MCEMP1: variants seen among roughly 807,000 people sequenced by gnomAD.
MCEMP1 encodes the protein mast cell expressed membrane protein 1.
A neutral mutation model predicts 27.9 loss-of-function variants in MCEMP1; 17 were observed. The ratio of observed to expected loss-of-function variants is 0.61; its 90% confidence interval spans 0.42 to 0.91. The LOEUF (loss-of-function observed/expected upper bound fraction) is 0.91, where lower values mean the gene tolerates loss of function less well. Ranked by LOEUF, MCEMP1 falls within the 40% of genes least tolerant of loss-of-function variation. The pLI is 0.00. For synonymous variants in MCEMP1, 88 were observed against 76.9 expected (o/e 1.14, Z -0.76); for missense variants, 200 against 204.8 (o/e 0.98, Z 0.14).
rs1162244376 is a variant in MCEMP1, at chr19:7,677,949, T to A, written c.146-155T>A. On this transcript the variant is annotated intron_variant, in intron 2 of 6. Transcript: ENST00000333598. This position sits in a 1 kb window ranked among gnomAD's most constrained non-coding sequence, Gnocchi z 4.6. Reference sequence around the variant, plus strand: ...GTGTTAGATCGCTGAGGGTGGCTGGTGGTGGCAGTGTTGTTGACGATGATG... The same window carrying A: ...GTGTTAGATCGCTGAGGGTGGCTGGAGGTGGCAGTGTTGTTGACGATGATG... 5 of 1,221,626 alleles carry A rather than the reference T, an allele frequency of 4.1e-6. No individual in the cohort carries two copies. The highest frequency in any genetic ancestry group is 5.7e-6 in the Non-Finnish European group (5 of 874,352). 75.7% of individuals were successfully genotyped at this position (1,221,626 alleles called of 1,614,324 possible). A position where few individuals can be genotyped will look rare whatever the true frequency, so the allele number is the denominator to read the frequency against.
chr19:7,678,841 C>T lies in MCEMP1; in HGVS notation c.449-83C>T, dbSNP rs2032583881. On this transcript the variant is annotated intron_variant, in intron 5 of 6. Transcript: ENST00000333598. The surrounding 1 kb of genome is among the most constrained non-coding windows in gnomAD (Gnocchi z 4.8). ...GGGTGGGTGTGGGGCAGGGGGGGTG[C>T]TTCCAAGGAAGGTGGGGGCTTTGTT... 1.4e-6 allele frequency: 2 copies of T among 1,383,468 alleles called. No individual in the cohort carries two copies. Among genetic ancestry groups the T allele is most frequent in the Non-Finnish European group, 9.9e-7 (1 of 1,009,008 alleles). 85.7% of individuals were successfully genotyped at this position (1,383,468 alleles called of 1,614,324 possible).
chr19:7,679,539 G>A lies in MCEMP1; in HGVS notation c.*425G>A. 5.0e-6 allele frequency: 1 copy of A among 199,054 alleles called. No homozygotes were observed. The highest frequency in any genetic ancestry group is 1.1e-4 in the South Asian group (1 of 8,806). 12.3% of individuals were successfully genotyped at this position (199,054 alleles called of 1,614,324 possible). A position where few individuals can be genotyped will look rare whatever the true frequency, so the allele number is the denominator to read the frequency against. On this transcript the variant is annotated 3_prime_UTR_variant, in exon 7 of 7. Transcript: ENST00000333598. This position sits in a 1 kb window ranked among gnomAD's most constrained non-coding sequence, Gnocchi z 4.9. ...TCCAGCAGATGTCACTCTGAGTGTG[G>A]GTGTTGGTGACATGCATTGCACGGG...
Position 7,678,434 on chromosome 19 carries a change from C to T in MCEMP1, c.334+34C>T. ...AGGGTCTGAGGGAGACCCGTGGGGT[C>T]ATGGTGGGGGTCTGGAGAGGGATGG... On this transcript the variant is annotated intron_variant, in intron 4 of 6. Coordinates refer to ENST00000333598, the MANE Select transcript of MCEMP1 (RefSeq NM_174918.3). The surrounding 1 kb of genome is among the most constrained non-coding windows in gnomAD (Gnocchi z 4.8). 2 of 1,613,848 alleles carry T rather than the reference C, an allele frequency of 1.2e-6. No homozygotes were observed. The highest frequency in any genetic ancestry group is 8.5e-7 in the Non-Finnish European group (1 of 1,179,908).
rs751939259 is a variant in MCEMP1, at chr19:7,677,644, T to C, written c.63T>C (p.His21=). The stretch of plus-strand genomic sequence containing the variant: ...ATCTCCAACCCCTCCCAGGTGCCCA[T>C]GACCCAGACTATGAGAATATCACCT... ...QGVSAKNQGA[H]DPDYENITLA... Residue 21 remains histidine, a synonymous_variant, in exon 2 of 7, where the codon CAT becomes CAC. Transcript: ENST00000333598. The surrounding 1 kb of genome is among the most constrained non-coding windows in gnomAD (Gnocchi z 4.6). The C allele has an allele frequency of 3.1e-6, 5 of 1,613,696 alleles. No individual in the cohort carries two copies. In the African/African-American group the frequency reaches 5.3e-5, roughly 17 times the overall value.
At position 7,678,106 on chromosome 19, in the gene MCEMP1, C is replaced by G; in HGVS notation, c.148C>G (p.Pro50Ala). 6.3e-7 allele frequency: 1 copy of G among 1,599,610 alleles called. No individual in the cohort carries two copies. The highest frequency in any genetic ancestry group is 8.5e-7 in the Non-Finnish European group (1 of 1,173,654). Residue 50 changes from proline to alanine, a missense_variant and splice_region_variant, in exon 3 of 7, where the codon CCA becomes GCA. Physicochemically the swap from Pro to Ala is conservative, Grantham distance 27. Coordinates refer to ENST00000333598, the MANE Select transcript of MCEMP1 (RefSeq NM_174918.3). This position sits in a 1 kb window ranked among gnomAD's most constrained non-coding sequence, Gnocchi z 4.8. ...ACTTTGCTGCCTCTTTGCTCCAGTC[C>G]CAGCCCAGTGCAGGCCGCCCTCAGA... ...GGHSRPTSQVPAQCRPPSDST... is the reference protein window; with the variant it reads ...GGHSRPTSQVAAQCRPPSDST...
Position 7,677,131 on chromosome 19 carries a change from C to T in MCEMP1, c.11C>T (p.Pro4Leu), listed in dbSNP as rs1328529337. Residue 4 changes from proline to leucine, a missense_variant, in exon 1 of 7, where the codon CCA (proline) becomes CTA (leucine). By Grantham distance (98) the Pro-to-Leu change is moderately conservative (BLOSUM62 -3). Coordinates refer to ENST00000333598, the MANE Select transcript of MCEMP1 (RefSeq NM_174918.3). The surrounding 1 kb of genome is among the most constrained non-coding windows in gnomAD (Gnocchi z 4.6). ...CACCAGGAAGTCAAGATGCAAGCAC[C>T]AGCCTTCAGGGACAAGAAACAGGGG... MQA[P>L]AFRDKKQGVS... 6.2e-7 allele frequency: 1 copy of T among 1,600,274 alleles called. No individual in the cohort carries two copies. Among genetic ancestry groups the T allele is most frequent in the East Asian group, 2.3e-5 (1 of 44,086 alleles).
At position 7,678,414 on chromosome 19, in the gene MCEMP1, C is replaced by G. The variant is rs764006691; in HGVS notation, c.334+14C>G. 6.2e-7 allele frequency: 1 copy of G among 1,613,872 alleles called. No homozygotes were observed. The highest frequency in any genetic ancestry group is 8.5e-7 in the Non-Finnish European group (1 of 1,179,990). On this transcript the variant is annotated intron_variant, in intron 4 of 6. Coordinates refer to ENST00000333598, the MANE Select transcript of MCEMP1 (RefSeq NM_174918.3). This position sits in a 1 kb window ranked among gnomAD's most constrained non-coding sequence, Gnocchi z 4.8. ...AGCTTTGGAATGGTGAGCGGAGGGT[C>G]TGAGGGAGACCCGTGGGGTCATGGT...
Position 7,678,412 on chromosome 19 carries a change from G to A in MCEMP1, c.334+12G>A. 1 of 1,614,116 alleles carries A rather than the reference G, an allele frequency of 6.2e-7. No homozygotes were observed. Among genetic ancestry groups the A allele is most frequent in the Non-Finnish European group, 8.5e-7 (1 of 1,180,014 alleles). On this transcript the variant is annotated intron_variant, in intron 4 of 6. Transcript: ENST00000333598. This position sits in a 1 kb window ranked among gnomAD's most constrained non-coding sequence, Gnocchi z 4.8. ...GGAGCTTTGGAATGGTGAGCGGAGGGTCTGAGGGAGACCCGTGGGGTCATG... is the reference window on the plus strand; with the variant it reads ...GGAGCTTTGGAATGGTGAGCGGAGGATCTGAGGGAGACCCGTGGGGTCATG...
chr19:7,678,406 C>G lies in MCEMP1; in HGVS notation c.334+6C>G, dbSNP rs372574521. 2 of 1,613,928 alleles carry G rather than the reference C, an allele frequency of 1.2e-6. No individual in the cohort carries two copies. Among genetic ancestry groups the G allele is most frequent in the Non-Finnish European group, 1.7e-6 (2 of 1,179,972 alleles). On this transcript the variant is annotated splice_donor_region_variant and intron_variant, in intron 4 of 6. Transcript: ENST00000333598. The surrounding 1 kb of genome is among the most constrained non-coding windows in gnomAD (Gnocchi z 4.8). ...TAAAAGGGAGCTTTGGAATGGTGAG[C>G]GGAGGGTCTGAGGGAGACCCGTGGG...
rs865906528 is a variant in MCEMP1, at chr19:7,679,194, C to A, written c.*80C>A. The A allele has an allele frequency of 5.9e-4, 844 of 1,421,040 alleles. 6 individuals are homozygous for A. The African/African-American group carries it at 0.01, about 17-fold the overall frequency. 88.0% of individuals were successfully genotyped at this position (1,421,040 alleles called of 1,614,324 possible). The stretch of plus-strand genomic sequence containing the variant: ...GCCAACGAAGACGGGAAATGACCCC[C>A]CCCCCCCAGCCTAGTGTGAACCTGC... On this transcript the variant is annotated 3_prime_UTR_variant, in exon 7 of 7. Transcript: ENST00000333598. This position sits in a 1 kb window ranked among gnomAD's most constrained non-coding sequence, Gnocchi z 4.9.
chr19:7,678,988 G>T lies in MCEMP1; in HGVS notation c.508+5G>T. The stretch of plus-strand genomic sequence containing the variant: ...AGGTGCTGCAGAAAATGCCACGTAA[G>T]TTGGCGCCCCGACAGGAGGTGGAGG... On this transcript the variant is annotated splice_donor_5th_base_variant and intron_variant, in intron 6 of 6. Coordinates refer to ENST00000333598, the MANE Select transcript of MCEMP1 (RefSeq NM_174918.3). This position sits in a 1 kb window ranked among gnomAD's most constrained non-coding sequence, Gnocchi z 4.8. 6.4e-7 allele frequency: 1 copy of T among 1,567,416 alleles called. No homozygotes were observed. The highest frequency in any genetic ancestry group is 8.7e-7 in the Non-Finnish European group (1 of 1,152,568).
chr19:7,677,295 C>A lies in MCEMP1; in HGVS notation c.55+120C>A. 1.1e-6 allele frequency: 1 copy of A among 874,686 alleles called. No individual in the cohort carries two copies. Among genetic ancestry groups the A allele is most frequent in the Non-Finnish European group, 1.8e-6 (1 of 557,066 alleles). 54.2% of individuals were successfully genotyped at this position (874,686 alleles called of 1,614,324 possible). On this transcript the variant is annotated intron_variant, in intron 1 of 6. Coordinates refer to ENST00000333598, the MANE Select transcript of MCEMP1 (RefSeq NM_174918.3). The surrounding 1 kb of genome is among the most constrained non-coding windows in gnomAD (Gnocchi z 4.6). The stretch of plus-strand genomic sequence containing the variant: ...GCTGAGGCGGGAGGATTGCGTGAGC[C>A]CTGGAGGTGGAGACTGGCCTGGGCA...
At position 7,679,189 on chromosome 19, in the gene MCEMP1, A is replaced by AC. The variant is rs55775946; in HGVS notation, c.*87dup. On this transcript the variant is annotated 3_prime_UTR_variant, in exon 7 of 7. Coordinates refer to ENST00000333598, the MANE Select transcript of MCEMP1 (RefSeq NM_174918.3). This position sits in a 1 kb window ranked among gnomAD's most constrained non-coding sequence, Gnocchi z 4.9. Reference sequence around the variant, plus strand: ...CACCTGCCAACGAAGACGGGAAATGACCCCCCCCCCCCAGCCTAGTGTGAA... The same window carrying AC: ...CACCTGCCAACGAAGACGGGAAATGACCCCCCCCCCCCCAGCCTAGTGTGAA... 8 of 1,272,822 alleles carry AC rather than the reference A, an allele frequency of 6.3e-6. No homozygotes were observed. The highest frequency in any genetic ancestry group is 3.1e-5 in the African/African-American group (2 of 64,816). 78.8% of individuals were successfully genotyped at this position (1,272,822 alleles called of 1,614,324 possible). A position where few individuals can be genotyped will look rare whatever the true frequency, so the allele number is the denominator to read the frequency against.
chr19:7,678,012 G>A lies in MCEMP1; in HGVS notation c.146-92G>A, dbSNP rs2032572046. 5.4e-6 allele frequency: 8 copies of A among 1,492,652 alleles called. No individual in the cohort carries two copies. The African/African-American group carries it at 7.0e-5, about 13-fold the overall frequency. 92.5% of individuals were successfully genotyped at this position (1,492,652 alleles called of 1,614,324 possible). A position where few individuals can be genotyped will look rare whatever the true frequency, so the allele number is the denominator to read the frequency against. On this transcript the variant is annotated intron_variant, in intron 2 of 6. Transcript: ENST00000333598. The surrounding 1 kb of genome is among the most constrained non-coding windows in gnomAD (Gnocchi z 4.8). ...ACCACAGCTGCTGATGGTTTTGAGA[G>A]GAGCGAGGTGTCCATGGTGTTAGAG... is the stretch of plus-strand genomic sequence containing the variant.
rs771547558 is a variant in MCEMP1, at chr19:7,677,229, G to A, written c.55+54G>A. 4.0e-5 allele frequency: 58 copies of A among 1,458,070 alleles called. No homozygotes were observed. Among genetic ancestry groups the A allele is most frequent in the East Asian group, 7.4e-5 (3 of 40,328 alleles). 90.3% of individuals were successfully genotyped at this position (1,458,070 alleles called of 1,614,324 possible). A position where few individuals can be genotyped will look rare whatever the true frequency, so the allele number is the denominator to read the frequency against. The stretch of plus-strand genomic sequence containing the variant: ...GTTAAGAAGGAGAGATTGGGGGGCC[G>A]GGGGCTTTTGCTCATGTCTGTAATC... On this transcript the variant is annotated intron_variant, in intron 1 of 6. Transcript: ENST00000333598. This position sits in a 1 kb window ranked among gnomAD's most constrained non-coding sequence, Gnocchi z 4.6.
In MCEMP1 at chr19:7,678,324, A is replaced by G; in HGVS notation, c.284-26A>G. On this transcript the variant is annotated intron_variant, in intron 3 of 6. Transcript: ENST00000333598. This position sits in a 1 kb window ranked among gnomAD's most constrained non-coding sequence, Gnocchi z 4.8. ...TCTCTCTCTCTCCCTGGGTGCTTCA[A>G]GGATTTTCCTGCCCCTCCTGAACAG... 6.2e-7 allele frequency: 1 copy of G among 1,613,912 alleles called. No individual in the cohort carries two copies. Among genetic ancestry groups the G allele is most frequent in the Non-Finnish European group, 8.5e-7 (1 of 1,179,988 alleles).
At position 7,679,639 on chromosome 19, in the gene MCEMP1, G is replaced by T. The variant is rs1274379009; in HGVS notation, c.*525G>T. On this transcript the variant is annotated 3_prime_UTR_variant, in exon 7 of 7. Transcript: ENST00000333598. This position sits in a 1 kb window ranked among gnomAD's most constrained non-coding sequence, Gnocchi z 4.9. The stretch of plus-strand genomic sequence containing the variant: ...TCTGTCTACCCATGTCATGGTGGGG[G>T]AGATTTATCTCCGTACATGTGGGTG... 6.5e-6 allele frequency: 1 copy of T among 154,356 alleles called. No individual in the cohort carries two copies. The highest frequency in any genetic ancestry group is 6.5e-5 in the Admixed American group (1 of 15,336). The allele number at this position is 154,356 out of a possible 1,614,324, so 9.6% of individuals were successfully genotyped here. A position where few individuals can be genotyped will look rare whatever the true frequency, so the allele number is the denominator to read the frequency against.
chr19:7,678,004 T>C lies in MCEMP1; in HGVS notation c.146-100T>C. ...GCTGCATGACCACAGCTGCTGATGGTTTTGAGAGGAGCGAGGTGTCCATGG... is the reference window on the plus strand; with the variant it reads ...GCTGCATGACCACAGCTGCTGATGGCTTTGAGAGGAGCGAGGTGTCCATGG... On this transcript the variant is annotated intron_variant, in intron 2 of 6. Transcript: ENST00000333598. This position sits in a 1 kb window ranked among gnomAD's most constrained non-coding sequence, Gnocchi z 4.8. 6.8e-7 allele frequency: 1 copy of C among 1,480,804 alleles called. No homozygotes were observed. Among genetic ancestry groups the C allele is most frequent in the Non-Finnish European group, 9.0e-7 (1 of 1,107,434 alleles). The allele number at this position is 1,480,804 out of a possible 1,614,324, so 91.7% of individuals were successfully genotyped here. A position where few individuals can be genotyped will look rare whatever the true frequency, so the allele number is the denominator to read the frequency against.
rs1207361590 is a variant in MCEMP1, at chr19:7,677,820, G to A, written c.145+94G>A. ...GCCCCCGGGGCTGCGTGGAAGGGAGGAAGCGATGGGGAAGGAAGAGGTGAC... is the reference window on the plus strand; with the variant it reads ...GCCCCCGGGGCTGCGTGGAAGGGAGAAAGCGATGGGGAAGGAAGAGGTGAC... On this transcript the variant is annotated intron_variant, in intron 2 of 6. Transcript: ENST00000333598. This position sits in a 1 kb window ranked among gnomAD's most constrained non-coding sequence, Gnocchi z 4.6. 5 of 1,254,288 alleles carry A rather than the reference G, an allele frequency of 4.0e-6. No individual in the cohort carries two copies. In the East Asian group the frequency reaches 7.2e-5, roughly 18 times the overall value. The allele number at this position is 1,254,288 out of a possible 1,614,324, so 77.7% of individuals were successfully genotyped here.
Sources: allele counts gnomAD v4.1 joint callset, GRCh38; gene constraint gnomAD v4.1.1; non-coding constraint Gnocchi (gnomAD v3.1); transcripts MANE v1.5; gene names NCBI Gene and HGNC (gene_info 2026-07-23, HGNC 2026-07-21).